Variants in SH3GLB1 observed in about 807,000 individuals in gnomAD.
The protein encoded by SH3GLB1 is SH3 domain containing GRB2 like, endophilin B1, also known as endophilin-B1.
In SH3GLB1, 17 loss-of-function variants were observed where a neutral mutation model predicts 42.0. The ratio of observed to expected loss-of-function variants is 0.40; its 90% CI spans 0.28 to 0.61. The LOEUF is 0.61. Ranked by LOEUF, SH3GLB1 falls within the 20% of genes least tolerant of loss-of-function variation. The pLI is 0.36. For missense variants in SH3GLB1, 355 were observed against 426.3 expected (o/e 0.83, Z 1.47); for synonymous variants, 132 against 146.6 (o/e 0.90, Z 0.72).
chr1:86,705,065 C>A lies in SH3GLB1; in HGVS notation c.72+94C>A, dbSNP rs1653753751. 8.5e-6 allele frequency: 7 copies of A among 822,064 alleles called. No individual in the cohort carries two copies. The South Asian group carries it at 1.3e-4, about 15-fold the overall frequency. The allele number at this position is 822,064 out of a possible 1,614,324, so 50.9% of individuals were successfully genotyped here. On this transcript the variant is annotated intron_variant, in intron 1 of 8. Coordinates refer to ENST00000370558, the MANE Select transcript of SH3GLB1 (RefSeq NM_016009.5). ...ACGCGGCGCCCCCGGGCCTCGCCGACCACCCAGCGGGCCTGCTGCAGCCAG... is the reference window on the plus strand; with the variant it reads ...ACGCGGCGCCCCCGGGCCTCGCCGAACACCCAGCGGGCCTGCTGCAGCCAG...
chr1:86,742,398 G>A lies in SH3GLB1; in HGVS notation c.952G>A (p.Ala318Thr). ...GGCCAGGGTTCTCTATGATTATGATGCAGCAAACAGTACTGAATTATCACT... is the reference window on the plus strand; with the variant it reads ...GGCCAGGGTTCTCTATGATTATGATACAGCAAACAGTACTGAATTATCACT... ...RKARVLYDYD[A>T]ANSTELSLLA... is the part of the protein sequence containing the mutation. The change falls in exon 8 of 9, where the codon GCA (alanine) becomes ACA (threonine). Residue 318 changes from alanine (A) to threonine (T), a missense_variant. Physicochemically the swap from Ala to Thr is moderately conservative, Grantham distance 58. Coordinates refer to ENST00000370558, the MANE Select transcript of SH3GLB1 (RefSeq NM_016009.5). 2 of 1,614,060 alleles carry A rather than the reference G, an allele frequency of 1.2e-6. No homozygotes were observed. Among genetic ancestry groups the A allele is most frequent in the Middle Eastern group, 1.6e-4 (1 of 6,062 alleles).
intron 7 of SH3GLB1, among the ~76,000 whole-genome samples, chr1:86,740,678 A>G (rs941444544): frequency 1.3e-5 from 2 of 152,170 alleles, no homozygotes; most frequent in African/African-American, 2.4e-5. Context: ...GGTAAGATCT[A>G]GATGTGACTG....
At chr1:86,724,606 C>T (rs35621157) in intron 5 of SH3GLB1, among the ~76,000 whole-genome samples, 7,555 of 152,020 alleles carry the variant, frequency 0.05, 246 homozygotes, top group South Asian at 0.077. Flanking sequence ...GGCACAGTGG[C>T]GCATGCCTGC....
chr1:86,721,359 TTAAA>T (rs1654846036), intron 3 of SH3GLB1, among the ~76,000 whole-genome samples: 1 of 152,188 alleles, frequency 6.6e-6, no homozygotes, highest in Admixed American at 6.5e-5. Context: ...TTTGGAGAAG[TTAAA>T]TAATTAATCC....
At chr1:86,715,962 T>G in intron 2 of SH3GLB1, 97 bp downstream of exon 2, 1 of 1,317,590 alleles carries the variant, frequency 7.6e-7, no homozygotes. Flanking sequence ...ACATAGGATT[T>G]TTTTATTGTA....
chr1:86,734,086 G>T (rs1296428690), intron 5 of SH3GLB1, among the ~76,000 whole-genome samples: 2 of 152,104 alleles, frequency 1.3e-5, no homozygotes, highest in African/African-American at 4.8e-5. Context: ...AAAAACTGGT[G>T]CTAGCAACAA....
intron 5 of SH3GLB1, among the ~76,000 whole-genome samples, chr1:86,734,067 A>G (rs1334167333): frequency 6.6e-6 from 1 of 152,176 alleles, no homozygotes; most frequent in East Asian, 1.9e-4. Context: ...GAATCCTTTG[A>G]ATGAACCTAA....
chr1:86,714,546 A>G (rs1168741797), intron 1 of SH3GLB1, among the ~76,000 whole-genome samples: 1 of 152,216 alleles, frequency 6.6e-6, no homozygotes, highest in Non-Finnish European at 1.5e-5. Context: ...CCAGAAGTCT[A>G]AGAATAGAAT....
chr1:86,705,121 C>T, intron 1 of SH3GLB1, 150 bp downstream of exon 1: 1 of 529,008 alleles, frequency 1.9e-6, no homozygotes, highest in South Asian at 2.6e-5. Context: ...GCCTGGTCCC[C>T]TCCCCGGGCC....
chr1:86,716,987 T>C (rs771118715), intron 2 of SH3GLB1, among the ~76,000 whole-genome samples: 18 of 152,222 alleles, frequency 1.2e-4, no homozygotes, highest in Non-Finnish European at 2.1e-4. Flanking sequence ...ACTTTTTAAA[T>C]ACACCTTTTG....
At chr1:86,732,032 C>T (rs1048712112) in intron 5 of SH3GLB1, among the ~76,000 whole-genome samples, 1 of 151,990 alleles carries the variant, frequency 6.6e-6, no homozygotes, top group Non-Finnish European at 1.5e-5. Flanking sequence ...CCGTTGCACT[C>T]CAAGCTAGGC....
intron 2 of SH3GLB1, among the ~76,000 whole-genome samples, chr1:86,716,932 A>G (rs749662457): frequency 3.3e-5 from 5 of 152,202 alleles, no homozygotes; most frequent in African/African-American, 7.2e-5. Flanking sequence ...TTCAAGCACT[A>G]TATAAATATT....
At chr1:86,724,884 A>ATATAT (rs1436043734) in intron 5 of SH3GLB1, among the ~76,000 whole-genome samples, 24 of 104,304 alleles carry the variant, frequency 2.3e-4, no homozygotes, top group African/African-American at 1.1e-3. Flanking sequence ...TAAAAAAAAA[A>ATATAT]AAAAAAAAAT....
chr1:86,731,019 T>G (rs1401905973), intron 5 of SH3GLB1, among the ~76,000 whole-genome samples: 1 of 152,240 alleles, frequency 6.6e-6, no homozygotes, highest in African/African-American at 2.4e-5. Context: ...ATGTTGTCTC[T>G]TCCCTCAGTA....
intron 7 of SH3GLB1, among the ~76,000 whole-genome samples, chr1:86,737,652 TAAATA>T: frequency 6.6e-6 from 1 of 152,266 alleles, no homozygotes. Flanking sequence ...ATATAGTATA[TAAATA>T]AAATAATCAA....
At chr1:86,710,154 G>A (rs1654116033) in intron 1 of SH3GLB1, among the ~76,000 whole-genome samples, 1 of 152,174 alleles carries the variant, frequency 6.6e-6, no homozygotes, top group African/African-American at 2.4e-5. Context: ...TAGTAAAATA[G>A]ATAGAAGATA....
intron 1 of SH3GLB1, among the ~76,000 whole-genome samples, chr1:86,708,451 A>T (rs1211291475): frequency 2.6e-5 from 4 of 152,224 alleles, no homozygotes; most frequent in Non-Finnish European, 5.9e-5. Flanking sequence ...TTTACTTAAA[A>T]ATTTCTAAGT....
intron 5 of SH3GLB1, among the ~76,000 whole-genome samples, chr1:86,724,887 A>ATATATATATATATATAT (rs1161043628): frequency 5.7e-5 from 7 of 123,752 alleles, no homozygotes; most frequent in African/African-American, 2.4e-4. Context: ...AAAAAAAAAA[A>ATATATATATATATATAT]AAAAAATATA....
At chr1:86,708,258 G>A (rs1003831152) in intron 1 of SH3GLB1, among the ~76,000 whole-genome samples, 1 of 152,122 alleles carries the variant, frequency 6.6e-6, no homozygotes, top group Non-Finnish European at 1.5e-5. Context: ...TCAGTATAAT[G>A]CCAAAGTACC....
Sources: allele counts gnomAD v4.1 joint callset (sites outside exome capture counted in the v4.1 genomes callset), GRCh38; gene constraint gnomAD v4.1.1; transcripts MANE v1.5; gene names NCBI Gene and HGNC (gene_info 2026-07-23, HGNC 2026-07-21).